THRB: variants seen among roughly 807,000 people sequenced by gnomAD.
The protein encoded by THRB is thyroid hormone receptor beta, also known as nuclear receptor subfamily 1 group A member 2.
Under a neutral mutation model 47.8 loss-of-function variants are expected in THRB, and 12 were observed. That is an observed-to-expected ratio of 0.25 (90% CI 0.16 to 0.41). THRB has a LOEUF of 0.41. THRB is among the 10% of genes least tolerant of loss of function. The pLI, the probability that THRB is intolerant of heterozygous loss-of-function variation, is 1.00. For synonymous variants in THRB, 218 were observed against 212.2 expected (o/e 1.03, Z -0.24); for missense variants, 348 against 589.2 (o/e 0.59, Z 4.24).
chr3:24,146,589 T>G, intron 7 of THRB, 86 bp downstream of exon 7: 1 of 1,443,026 alleles, frequency 6.9e-7, no homozygotes, highest in Non-Finnish European at 9.7e-7. Flanking sequence ...GGTTCCTGCC[T>G]TCTTTTCTGC....
chr3:24,246,885 T>C (rs1644210599), intron 3 of THRB, among the ~76,000 whole-genome samples: 1 of 152,220 alleles, frequency 6.6e-6, no homozygotes. Flanking sequence ...TCAATTTGTA[T>C]TGTTGATTTT....
intron 1 of THRB, among the ~76,000 whole-genome samples, chr3:24,383,561 G>A (rs909862446): frequency 3.3e-5 from 5 of 152,086 alleles, no homozygotes; most frequent in African/African-American, 1.2e-4. Flanking sequence ...TCTTAAAAAT[G>A]TCTTCAGTCT....
At chr3:24,202,651 T>G (rs567274319) in intron 4 of THRB, among the ~76,000 whole-genome samples, 1 of 152,232 alleles carries the variant, frequency 6.6e-6, no homozygotes, top group South Asian at 2.1e-4. Context: ...TAATTTTGAG[T>G]TTATGATACT....
At chr3:24,390,784 T>TAAAA (rs33999392) in intron 1 of THRB, among the ~76,000 whole-genome samples, 2 of 138,232 alleles carry the variant, frequency 1.4e-5, no homozygotes, top group African/African-American at 5.5e-5. Context: ...CTTTACTTTG[T>TAAAA]AAAAAAAAAA....
chr3:24,288,738 G>C (rs888628753), intron 3 of THRB, among the ~76,000 whole-genome samples: 1 of 152,164 alleles, frequency 6.6e-6, no homozygotes, highest in African/African-American at 2.4e-5. Context: ...ACACATAAGT[G>C]GGTTGTGAAA....
At chr3:24,227,994 A>G (rs1296816705) in intron 4 of THRB, among the ~76,000 whole-genome samples, 3 of 152,202 alleles carry the variant, frequency 2.0e-5, no homozygotes, top group Admixed American at 1.3e-4. Flanking sequence ...ATTTGCTAAC[A>G]TCTAAAATTT....
At chr3:24,468,554 T>C (rs1274998408) in intron 1 of THRB, among the ~76,000 whole-genome samples, 2 of 152,214 alleles carry the variant, frequency 1.3e-5, no homozygotes, top group Admixed American at 6.5e-5. Context: ...GCCTAATTTC[T>C]ACATTGCTGT....
intron 2 of THRB, among the ~76,000 whole-genome samples, chr3:24,333,759 T>G (rs777953341): frequency 1.2e-4 from 19 of 152,218 alleles, no homozygotes; most frequent in Non-Finnish European, 2.4e-4. Context: ...TGGATCTGTG[T>G]TGTGAGTGAA....
chr3:24,158,356 T>C (rs996293706), intron 5 of THRB, among the ~76,000 whole-genome samples: 1 of 151,526 alleles, frequency 6.6e-6, no homozygotes, highest in Admixed American at 6.6e-5. Context: ...TAAAGAAATA[T>C]TTCACATAAT....
At chr3:24,470,675 G>T (rs1023389569) in intron 1 of THRB, among the ~76,000 whole-genome samples, 4 of 152,174 alleles carry the variant, frequency 2.6e-5, no homozygotes, top group African/African-American at 9.6e-5. Context: ...GGAGTGCAAT[G>T]GTGCGATCTC....
chr3:24,289,689 G>A (rs1380773445), intron 3 of THRB, among the ~76,000 whole-genome samples: 1 of 152,168 alleles, frequency 6.6e-6, no homozygotes, highest in Non-Finnish European at 1.5e-5. Context: ...CTTGGTTAGT[G>A]GATATTAATT....
intron 1 of THRB, among the ~76,000 whole-genome samples, chr3:24,375,051 C>T (rs2065169257): frequency 6.6e-6 from 1 of 151,814 alleles, no homozygotes; most frequent in African/African-American, 2.4e-5. Context: ...AACTCAAATA[C>T]ACTAATTCTT....
chr3:24,465,596 G>T (rs544686455), intron 1 of THRB, among the ~76,000 whole-genome samples: 1 of 152,206 alleles, frequency 6.6e-6, no homozygotes, highest in East Asian at 1.9e-4. Context: ...TAGAGATGGG[G>T]TTTCACCATG....
At chr3:24,268,939 G>A (rs566940922) in intron 3 of THRB, among the ~76,000 whole-genome samples, 10 of 152,136 alleles carry the variant, frequency 6.6e-5, no homozygotes, top group African/African-American at 2.2e-4. Context: ...TTTAGCACTG[G>A]CATTATTAAT....
At chr3:24,144,715 T>A (rs1410791615) in intron 7 of THRB, 1 of 152,172 alleles carries the variant, frequency 6.6e-6, no homozygotes, top group African/African-American at 2.4e-5. Flanking sequence ...GGAAGGGAAC[T>A]TAGACGTCAT....
chr3:24,448,138 G>C (rs2072287348), intron 1 of THRB, among the ~76,000 whole-genome samples: 1 of 151,744 alleles, frequency 6.6e-6, no homozygotes, highest in Non-Finnish European at 1.5e-5. Flanking sequence ...CATTTGCAGA[G>C]CACTGACCCC....
chr3:24,430,464 A>G (rs2070267748), intron 1 of THRB, among the ~76,000 whole-genome samples: 1 of 152,070 alleles, frequency 6.6e-6, no homozygotes, highest in Non-Finnish European at 1.5e-5. Context: ...CATATAACAC[A>G]AGAATCCATT....
chr3:24,438,225 C>T (rs2071167182), intron 1 of THRB, among the ~76,000 whole-genome samples: 1 of 152,028 alleles, frequency 6.6e-6, no homozygotes, highest in Non-Finnish European at 1.5e-5. Flanking sequence ...GCTCCCAAAC[C>T]AGGCCGTCAT....
intron 5 of THRB, among the ~76,000 whole-genome samples, chr3:24,177,983 GC>G (rs1403373305): frequency 1.3e-5 from 2 of 152,062 alleles, no homozygotes; most frequent in African/African-American, 4.8e-5. Flanking sequence ...TGTGCTCTTT[GC>G]CCCTATTATG....
Sources: allele counts gnomAD v4.1 joint callset (sites outside exome capture counted in the v4.1 genomes callset), GRCh38; gene constraint gnomAD v4.1.1; transcripts MANE v1.5; gene names NCBI Gene and HGNC (gene_info 2026-07-23, HGNC 2026-07-21).